The following GRIK3 variants were observed in gnomAD, a reference collection of about 807,000 sequenced individuals.
GRIK3 encodes the protein glutamate ionotropic receptor kainate type subunit 3.
A neutral mutation model predicts 102.5 loss-of-function variants in GRIK3; 29 were observed. The observed-to-expected ratio is 0.28, with a 90% CI of 0.21 to 0.39. GRIK3 has a LOEUF of 0.39. Ranked by LOEUF, GRIK3 falls within the 10% of genes least tolerant of loss-of-function variation. The probability of loss-of-function intolerance (pLI) is 1.00; values close to 1 mark genes in which losing one functional copy is unlikely to be tolerated. For synonymous variants in GRIK3, 511 were observed against 504.9 expected (o/e 1.01, Z -0.16); for missense variants, 908 against 1,252.4 (o/e 0.73, Z 4.15).
At chr1:36,921,693 G>A (rs1323250742) in intron 1 of GRIK3, among the ~76,000 whole-genome samples, 1 of 152,060 alleles carries the variant, frequency 6.6e-6, no homozygotes, top group East Asian at 1.9e-4. Context: ...CTGTGTCATA[G>A]TATAATGGGT....
chr1:37,033,229 C>A (rs1470776119), intron 1 of GRIK3, among the ~76,000 whole-genome samples: 1 of 152,360 alleles, frequency 6.6e-6, no homozygotes, highest in East Asian at 1.9e-4. Context: ...AAGCCGCGCG[C>A]AGCCCCGCCA....
At chr1:36,938,984 AAGAG>A (rs1220951720) in intron 1 of GRIK3, among the ~76,000 whole-genome samples, 1 of 151,994 alleles carries the variant, frequency 6.6e-6, no homozygotes, top group East Asian at 1.9e-4. Flanking sequence ...ACAAGACGGA[AAGAG>A]AGAGAGAGAG....
chr1:36,957,412 CTG>C (rs1641925919), intron 1 of GRIK3, among the ~76,000 whole-genome samples: 4 of 61,852 alleles, frequency 6.5e-5, no homozygotes, highest in Admixed American at 2.9e-4. Context: ...CCCCGTGAGC[CTG>C]TGTGCCCCAT....
chr1:37,008,276 G>T (rs1020544349), intron 1 of GRIK3, among the ~76,000 whole-genome samples: 2 of 152,248 alleles, frequency 1.3e-5, no homozygotes, highest in African/African-American at 2.4e-5. Flanking sequence ...CCCTGGGCAA[G>T]TTTCTTCATC....
At chr1:37,010,628 G>A (rs1642584622) in intron 1 of GRIK3, among the ~76,000 whole-genome samples, 1 of 151,998 alleles carries the variant, frequency 6.6e-6, no homozygotes, top group Admixed American at 6.6e-5. Flanking sequence ...CGGCTGTAAT[G>A]CTTGTAGAAA....
intron 1 of GRIK3, among the ~76,000 whole-genome samples, chr1:36,901,630 A>G (rs1296393525): frequency 6.6e-6 from 1 of 152,244 alleles, no homozygotes; most frequent in Non-Finnish European, 1.5e-5. Context: ...TAATAGTGAG[A>G]AACTTGAAGC....
chr1:36,928,220 C>T (rs1641550145), intron 1 of GRIK3, among the ~76,000 whole-genome samples: 1 of 152,166 alleles, frequency 6.6e-6, no homozygotes, highest in Non-Finnish European at 1.5e-5. Flanking sequence ...GAGAGGTAGA[C>T]ACTGAATTAA....
At chr1:36,860,095 A>G in intron 5 of GRIK3, 78 bp from the exon 6 acceptor site, 1 of 1,162,364 alleles carries the variant, frequency 8.6e-7, no homozygotes, top group Non-Finnish European at 1.2e-6. Context: ...CCCACTCCCT[A>G]ATCAGGGCCG....
chr1:36,980,263 C>G (rs1387005518), intron 1 of GRIK3, among the ~76,000 whole-genome samples: 1 of 152,110 alleles, frequency 6.6e-6, no homozygotes, highest in Non-Finnish European at 1.5e-5. Context: ...TAAATCCTCC[C>G]AAAGTCTACA....
chr1:36,844,870 A>G (rs1285779611), intron 9 of GRIK3, among the ~76,000 whole-genome samples: 1 of 152,204 alleles, frequency 6.6e-6, no homozygotes, highest in East Asian at 1.9e-4. Context: ...CATGGTTGAT[A>G]GCGGAAAACC....
intron 1 of GRIK3, among the ~76,000 whole-genome samples, chr1:36,955,416 A>G (rs941017416): frequency 6.6e-6 from 1 of 152,172 alleles, no homozygotes; most frequent in African/African-American, 2.4e-5. Flanking sequence ...TGACAGGCAC[A>G]CTCACAGCAC....
chr1:36,917,256 C>T (rs560570021), intron 1 of GRIK3, among the ~76,000 whole-genome samples: 44 of 152,254 alleles, frequency 2.9e-4, no homozygotes, highest in Admixed American at 1.7e-3. Flanking sequence ...GCCATTTTAT[C>T]GAGGAAGTAA....
At chr1:36,904,593 A>C (rs939218657) in intron 1 of GRIK3, among the ~76,000 whole-genome samples, 1 of 152,206 alleles carries the variant, frequency 6.6e-6, no homozygotes, top group Non-Finnish European at 1.5e-5. Flanking sequence ...ATAATATTGA[A>C]AAAAATAGAA....
intron 1 of GRIK3, among the ~76,000 whole-genome samples, chr1:36,986,735 C>T (rs1181520887): frequency 3.3e-5 from 5 of 152,192 alleles, no homozygotes; most frequent in Non-Finnish European, 7.3e-5. Flanking sequence ...GAAGGCCTGG[C>T]AGAGGAGGTG....
At chr1:36,999,598 C>T (rs966083588) in intron 1 of GRIK3, among the ~76,000 whole-genome samples, 2 of 152,108 alleles carry the variant, frequency 1.3e-5, no homozygotes, top group Admixed American at 1.3e-4. Flanking sequence ...GATCCTTCAG[C>T]CCCCTCCCCT....
chr1:36,899,781 T>C (rs570105), intron 1 of GRIK3, among the ~76,000 whole-genome samples: 7,790 of 152,262 alleles, frequency 0.051, 533 homozygotes, highest in African/African-American at 0.15. Flanking sequence ...TGTATTCAGA[T>C]GGAGAAGACT....
intron 13 of GRIK3, among the ~76,000 whole-genome samples, chr1:36,811,170 T>C (rs1389033389): frequency 2.0e-5 from 3 of 152,132 alleles, no homozygotes; most frequent in Non-Finnish European, 4.4e-5. Flanking sequence ...TAAGGCTCCA[T>C]AGGTGGCCGG....
At chr1:36,976,647 T>C (rs1642199311) in intron 1 of GRIK3, among the ~76,000 whole-genome samples, 2 of 152,134 alleles carry the variant, frequency 1.3e-5, no homozygotes, top group African/African-American at 4.8e-5. Context: ...AGGTATGCTA[T>C]TGGTTGAAGG....
chr1:36,841,892 C>G lies in GRIK3; in HGVS notation c.1374G>C (p.Gly458=), dbSNP rs763302854. 6.2e-7 allele frequency: 1 copy of G among 1,614,120 alleles called. No homozygotes were observed. The highest frequency in any genetic ancestry group is 2.2e-5 in the East Asian group (1 of 44,898). The change falls in exon 10 of 16, where the codon GGG becomes GGC. Residue 458 remains glycine (G), a synonymous_variant. Coordinates refer to ENST00000373091, the MANE Select transcript of GRIK3 (RefSeq NM_000831.4). ...TGCAGTAGCCCTCGAACCGGTCATTCCCGTATAGCGTCCTGTCTGATTTCC... is the reference window on the plus strand; with the variant it reads ...TGCAGTAGCCCTCGAACCGGTCATTGCCGTATAGCGTCCTGTCTGATTTCC... The part of the protein sequence containing the change: ...MFRKSDRTLY[G]NDRFEGYCID...
Sources: allele counts gnomAD v4.1 joint callset (sites outside exome capture counted in the v4.1 genomes callset), GRCh38; gene constraint gnomAD v4.1.1; transcripts MANE v1.5; gene names NCBI Gene and HGNC (gene_info 2026-07-23, HGNC 2026-07-21).